Variants in WASF3 observed in about 807,000 individuals in gnomAD.
WASF3 encodes WASP family member 3.
Under a neutral mutation model 46.6 loss-of-function variants are expected in WASF3, and 11 were observed. That is an observed-to-expected ratio of 0.24 (90% confidence interval 0.15 to 0.39). The LOEUF (loss-of-function observed/expected upper bound fraction) is 0.39, where lower values mean the gene tolerates loss of function less well. Among genes scored for constraint, WASF3 ranks in the 10% least tolerant of loss-of-function variants. The pLI, the probability that WASF3 is intolerant of heterozygous loss-of-function variation, is 1.00. For synonymous variants in WASF3, 242 were observed against 259.7 expected (o/e 0.93, Z 0.65); for missense variants, 576 against 669.8 (o/e 0.86, Z 1.55).
intron 2 of WASF3, among the ~76,000 whole-genome samples, chr13:26,633,957 G>C (rs1400951567): frequency 6.6e-6 from 1 of 152,204 alleles, no homozygotes; most frequent in Non-Finnish European, 1.5e-5. Flanking sequence ...TGAGAAGAAT[G>C]TATATTCTGT....
rs1007262554 is a variant in WASF3 at position 26,682,904 on chromosome 13, G to A, written c.1281G>A (p.Ala427=). Residue 427 remains alanine (A), a synonymous_variant, in exon 9 of 10, where the codon GCG becomes GCA. Coordinates refer to ENST00000335327, the MANE Select transcript of WASF3 (RefSeq NM_006646.6). The surrounding 1 kb of genome is among the most constrained non-coding windows in gnomAD (Gnocchi z 4.4). ...TGCATGGCCCCCCAGTAGCTGAGGC[G>A]AAGCGGCAAGAGCCTGCACAGCCAC... ...SPMHGPPVAE[A]KRQEPAQPPI... 7.4e-6 allele frequency: 12 copies of A among 1,610,862 alleles called. No individual in the cohort carries two copies. The East Asian group carries it at 8.9e-5, about 12-fold the overall frequency.
the WASF3 span, among the ~76,000 whole-genome samples, chr13:26,546,666 C>T: frequency 3.3e-5 from 5 of 152,146 alleles, no homozygotes; most frequent in African/African-American, 4.8e-5. Context: ...GAGCCGAGAT[C>T]GCGGCACTGC....
upstream of WASF3, among the ~76,000 whole-genome samples, chr13:26,554,092 C>CTTTCTTTCTTTCT (rs1443126879): frequency 2.6e-3 from 60 of 23,210 alleles, no homozygotes; most frequent in Admixed American, 6.7e-3. Context: ...TCCTTCCTTC[C>CTTTCTTTCTTTCT]TTCCTTCTTT....
chr13:26,620,375 A>G (rs946575616), intron 2 of WASF3, among the ~76,000 whole-genome samples: 1 of 152,206 alleles, frequency 6.6e-6, no homozygotes, highest in Non-Finnish European at 1.5e-5. Context: ...ACCATGGTCT[A>G]AAAGGACTTA....
intron 1 of WASF3, among the ~76,000 whole-genome samples, chr13:26,570,850 A>G (rs1593371712): frequency 4.6e-5 from 7 of 152,212 alleles, no homozygotes; most frequent in Admixed American, 3.9e-4. Context: ...GGATAAATGT[A>G]TATGTAATCT....
chr13:26,555,432 C>A (rs932149128), upstream of WASF3, among the ~76,000 whole-genome samples: 1 of 152,096 alleles, frequency 6.6e-6, no homozygotes, highest in Admixed American at 6.5e-5. Flanking sequence ...CCAGCCAATG[C>A]CCCAACTTTA....
At chr13:26,669,587 C>G (rs1882872111) in intron 5 of WASF3, among the ~76,000 whole-genome samples, 1 of 152,124 alleles carries the variant, frequency 6.6e-6, no homozygotes, top group Middle Eastern at 3.4e-3. Flanking sequence ...AGTCTCAGCT[C>G]ATTGCAGCCT....
intron 1 of WASF3, among the ~76,000 whole-genome samples, chr13:26,582,061 A>T (rs765477340): frequency 6.6e-5 from 10 of 152,248 alleles, no homozygotes; most frequent in Non-Finnish European, 1.3e-4. Context: ...ATTTAAAAGG[A>T]TGAGTCTTTG....
chr13:26,688,097 T>A lies in WASF3; in HGVS notation c.*2252T>A, dbSNP rs950253582. The A allele has an allele frequency of 2.0e-5, 3 of 152,240 alleles. No homozygotes were observed. The highest frequency in any genetic ancestry group is 4.4e-5 in the Non-Finnish European group (3 of 68,046). The allele number at this position is 152,240 out of a possible 1,614,324, so 9.4% of individuals were successfully genotyped here. On this transcript the variant is annotated 3_prime_UTR_variant, in exon 10 of 10. Transcript: ENST00000335327. The stretch of plus-strand genomic sequence containing the variant: ...TTGCGAAAAAGCTTTTGCCCTGTTG[T>A]GTACCATAACATTTAAAAGAATGGA...
chr13:26,675,289 T>C (rs188501679), intron 6 of WASF3, among the ~76,000 whole-genome samples: 37 of 152,238 alleles, frequency 2.4e-4, no homozygotes, highest in Admixed American at 1.8e-3. Context: ...TTCACCCCAA[T>C]GTACCATTTA....
rs371152678 is a variant in WASF3, at chr13:26,687,721, C to CTTTTTTTTT, written c.*1877_*1878insTTTTTTTTT. 1.2e-5 allele frequency: 1 copy of CTTTTTTTTT among 83,370 alleles called. No individual in the cohort carries two copies. Among genetic ancestry groups the CTTTTTTTTT allele is most frequent in the Non-Finnish European group, 2.9e-5 (1 of 34,114 alleles). 5.2% of individuals were successfully genotyped at this position (83,370 alleles called of 1,614,324 possible). Reference sequence around the variant, plus strand: ...CTAAATTTCTAATTTCTCTCTCTCTCTCTTTTTTTTTTTTTTGTTGTTGTT... The same window carrying CTTTTTTTTT: ...CTAAATTTCTAATTTCTCTCTCTCTCTTTTTTTTTTCTTTTTTTTTTTTTTGTTGTTGTT... On this transcript the variant is annotated 3_prime_UTR_variant, in exon 10 of 10. Transcript: ENST00000335327.
intron 3 of WASF3, among the ~76,000 whole-genome samples, chr13:26,658,556 A>G (rs925671731): frequency 2.0e-5 from 3 of 152,258 alleles, no homozygotes; most frequent in African/African-American, 7.2e-5. Context: ...GCATAGAAAC[A>G]TGTTTAATCC....
At chr13:26,632,087 T>C (rs1593159335) in intron 2 of WASF3, among the ~76,000 whole-genome samples, 1 of 152,042 alleles carries the variant, frequency 6.6e-6, no homozygotes, top group Admixed American at 6.6e-5. Flanking sequence ...GACGATGGGG[T>C]TTTCTAAATA....
intron 1 of WASF3, among the ~76,000 whole-genome samples, chr13:26,580,553 T>C (rs1232494554): frequency 2.6e-5 from 4 of 152,176 alleles, no homozygotes; most frequent in Non-Finnish European, 5.9e-5. Context: ...GTTGATATTT[T>C]GGTTTTATTT....
At chr13:26,658,329 TA>T (rs1882527062) in intron 3 of WASF3, among the ~76,000 whole-genome samples, 1 of 152,160 alleles carries the variant, frequency 6.6e-6, no homozygotes, top group Non-Finnish European at 1.5e-5. Context: ...CATTCAGAAA[TA>T]AAGAACTGAT....
chr13:26,604,997 G>T (rs891962139), intron 1 of WASF3, among the ~76,000 whole-genome samples: 4 of 152,100 alleles, frequency 2.6e-5, no homozygotes, highest in African/African-American at 9.7e-5. Context: ...GGACAGAGGC[G>T]CCAGGGTCCT....
At chr13:26,613,991 C>A (rs751833717) in intron 2 of WASF3, among the ~76,000 whole-genome samples, 2 of 152,124 alleles carry the variant, frequency 1.3e-5, no homozygotes, top group Admixed American at 6.5e-5. Flanking sequence ...TCCTCATATG[C>A]AGAATACTAT....
chr13:26,650,207 T>G (rs1377687521), intron 3 of WASF3, among the ~76,000 whole-genome samples: 1 of 152,180 alleles, frequency 6.6e-6, no homozygotes, highest in Admixed American at 6.5e-5. Context: ...TCCAGTCCCT[T>G]CTGGTCGTCC....
chr13:26,664,756 G>A (rs1882722193), intron 3 of WASF3, among the ~76,000 whole-genome samples: 2 of 152,224 alleles, frequency 1.3e-5, no homozygotes, highest in Admixed American at 1.3e-4. Flanking sequence ...CAGTTAGTGG[G>A]AAGCAACTTG....
Sources: allele counts gnomAD v4.1 joint callset (sites outside exome capture counted in the v4.1 genomes callset), GRCh38; gene constraint gnomAD v4.1.1; non-coding constraint Gnocchi (gnomAD v3.1); transcripts MANE v1.5; gene names NCBI Gene and HGNC (gene_info 2026-07-23, HGNC 2026-07-21).